The following EXOC4 variants were observed in gnomAD, a reference collection of about 807,000 sequenced individuals.
The protein encoded by EXOC4 is exocyst complex component 4, also known as SEC8-like 1.
Under a neutral mutation model 107.2 loss-of-function variants are expected in EXOC4, and 71 were observed. The ratio of observed to expected loss-of-function variants is 0.66; its 90% confidence interval spans 0.55 to 0.81. The LOEUF is 0.81. EXOC4 is among the 30% of genes least tolerant of loss of function. The pLI is 0.00. For synonymous variants in EXOC4, 456 were observed against 441.2 expected, an observed-to-expected ratio of 1.03 and a Z score of -0.42; for missense variants, 1,108 against 1,189.6, an observed-to-expected ratio of 0.93 and a Z score of 1.01.
chr7:133,749,540 G>T (rs941721959), intron 10 of EXOC4, among the ~76,000 whole-genome samples: 1 of 151,914 alleles, frequency 6.6e-6, no homozygotes, highest in Admixed American at 6.6e-5. Flanking sequence ...CTACAGGGGC[G>T]CACCACCACA....
At chr7:133,277,029 T>C (rs144987632) in intron 2 of EXOC4, among the ~76,000 whole-genome samples, 1,820 of 152,076 alleles carry the variant, frequency 0.012, 31 homozygotes, top group African/African-American at 0.041. Context: ...TGGCGCGATC[T>C]AAGCTCACTG....
intron 4 of EXOC4, among the ~76,000 whole-genome samples, chr7:133,315,935 T>G (rs1794981125): frequency 6.6e-6 from 1 of 152,198 alleles, no homozygotes; most frequent in African/African-American, 2.4e-5. Flanking sequence ...AATGATTCCC[T>G]GTTTCCCTGT....
intron 1 of EXOC4, among the ~76,000 whole-genome samples, chr7:133,271,678 C>T (rs1423454275): frequency 6.6e-6 from 1 of 152,168 alleles, no homozygotes. Context: ...TTGGGCCCAT[C>T]TGCCTAACCC....
At chr7:134,054,102 C>T (rs1294945418) in intron 17 of EXOC4, among the ~76,000 whole-genome samples, 8 of 152,118 alleles carry the variant, frequency 5.3e-5, no homozygotes, top group South Asian at 4.1e-4. Context: ...CGCACTACCA[C>T]GCCCAGCCAA....
At chr7:133,473,860 C>T (rs1798943840) in intron 7 of EXOC4, among the ~76,000 whole-genome samples, 2 of 149,120 alleles carry the variant, frequency 1.3e-5, no homozygotes, top group Admixed American at 1.3e-4. Context: ...ACCACCATGC[C>T]CGGCTAATTT....
intron 1 of EXOC4, among the ~76,000 whole-genome samples, chr7:133,274,289 CT>C (rs1421800141): frequency 6.6e-6 from 1 of 152,174 alleles, no homozygotes; most frequent in Non-Finnish European, 1.5e-5. Context: ...TTCAAATGAG[CT>C]TTTCGGAAGG....
intron 10 of EXOC4, among the ~76,000 whole-genome samples, chr7:133,742,410 T>G (rs1238209813): frequency 6.6e-6 from 1 of 152,196 alleles, no homozygotes; most frequent in East Asian, 1.9e-4. Context: ...TCTTCTTGGC[T>G]CCTAGAGAAA....
At chr7:133,697,936 T>C (rs1794572156) in intron 10 of EXOC4, among the ~76,000 whole-genome samples, 1 of 152,178 alleles carries the variant, frequency 6.6e-6, no homozygotes, top group Non-Finnish European at 1.5e-5. Flanking sequence ...GTCTGCTTAC[T>C]CAGAAAGGAC....
chr7:133,781,183 G>T (rs1796458734), intron 10 of EXOC4, among the ~76,000 whole-genome samples: 1 of 152,192 alleles, frequency 6.6e-6, no homozygotes, highest in South Asian at 2.1e-4. Context: ...CCTTCTAAGT[G>T]TTGAATTCAA....
At chr7:133,885,980 A>T (rs1338290564) in intron 11 of EXOC4, among the ~76,000 whole-genome samples, 1 of 152,126 alleles carries the variant, frequency 6.6e-6, no homozygotes, top group Admixed American at 6.6e-5. Flanking sequence ...AGTAGGAAGG[A>T]TCGAGAAGTA....
intron 15 of EXOC4, among the ~76,000 whole-genome samples, chr7:133,998,313 G>A (rs768139644): frequency 1.3e-5 from 2 of 152,124 alleles, no homozygotes; most frequent in Non-Finnish European, 2.9e-5. Flanking sequence ...TTAAGTGCTT[G>A]GTAGCTACAT....
At chr7:133,312,484 T>C (rs1794897016) in intron 4 of EXOC4, among the ~76,000 whole-genome samples, 1 of 152,186 alleles carries the variant, frequency 6.6e-6, no homozygotes, top group Admixed American at 6.6e-5. Context: ...TTTTATTTCC[T>C]GTGTACATCA....
chr7:133,997,853 G>T (rs1794434681), intron 15 of EXOC4, among the ~76,000 whole-genome samples: 1 of 152,106 alleles, frequency 6.6e-6, no homozygotes, highest in South Asian at 2.1e-4. Flanking sequence ...ATGAAATCAG[G>T]TCACCTAGAT....
the EXOC4 span, among the ~76,000 whole-genome samples, chr7:134,096,188 A>G: frequency 1.3e-5 from 2 of 152,240 alleles, no homozygotes; most frequent in African/African-American, 4.8e-5. Flanking sequence ...AAAATGTTCA[A>G]CATCACTAAT....
chr7:133,411,426 T>C (rs1584895840), intron 7 of EXOC4, among the ~76,000 whole-genome samples: 1 of 152,142 alleles, frequency 6.6e-6, no homozygotes, highest in South Asian at 2.1e-4. Flanking sequence ...TAGTTTGTAA[T>C]GTCATTAGAA....
At chr7:134,011,877 G>A (rs1183991129) in intron 17 of EXOC4, among the ~76,000 whole-genome samples, 2 of 151,874 alleles carry the variant, frequency 1.3e-5, no homozygotes, top group African/African-American at 4.8e-5. Context: ...GTTAATGGAA[G>A]TCCTTAATGA....
At position 133,915,621 on chromosome 7, in the gene EXOC4, C is replaced by T. The variant is rs371851798; in HGVS notation, c.1872-1962C>T. On this transcript the variant is annotated intron_variant, in intron 12 of 17. Coordinates refer to ENST00000253861, the MANE Select transcript of EXOC4 (RefSeq NM_021807.4). The stretch of plus-strand genomic sequence containing the variant: ...GAATGTCAGAGAACATTGAGGGGTA[C>T]ACCTGCAACAGTCTCTTATCTGAGG... Among the ~76,000 whole-genome samples, 3 of 152,096 alleles carry T rather than the reference C, an allele frequency of 2.0e-5. No individual in the cohort carries two copies. The East Asian group carries it at 5.8e-4, about 29-fold the overall frequency.
chr7:133,828,292 C>T (rs1018866793), intron 11 of EXOC4, among the ~76,000 whole-genome samples: 4 of 152,130 alleles, frequency 2.6e-5, no homozygotes, highest in East Asian at 3.8e-4. Context: ...AGAGGAAGAG[C>T]GTCCCATTGA....
intron 10 of EXOC4, among the ~76,000 whole-genome samples, chr7:133,763,261 C>G (rs564036742): frequency 6.6e-6 from 1 of 152,222 alleles, no homozygotes; most frequent in South Asian, 2.1e-4. Flanking sequence ...CGTTGGATTT[C>G]TTTAAAACAG....
Sources: allele counts gnomAD v4.1 joint callset (sites outside exome capture counted in the v4.1 genomes callset), GRCh38; gene constraint gnomAD v4.1.1; transcripts MANE v1.5; gene names NCBI Gene and HGNC (gene_info 2026-07-23, HGNC 2026-07-21).